The following PRL variants were observed in gnomAD, a reference collection of about 807,000 sequenced individuals.
PRL encodes the protein decidual prolactin.
PRL carries 24 observed loss-of-function variants against 21.3 expected under a neutral mutation model. That is an observed-to-expected ratio of 1.13 (90% CI 0.82 to 1.59). PRL has a LOEUF of 1.59. PRL is among the 40% of genes most tolerant of loss of function. The pLI, the probability that PRL is intolerant of heterozygous loss-of-function variation, is 0.00. For missense variants in PRL, 243 were observed against 286.9 expected, an observed-to-expected ratio of 0.85 and a Z score of 1.10; for synonymous variants, 118 against 115.7, an observed-to-expected ratio of 1.02 and a Z score of -0.13.
intron 1 of PRL, 115 bp downstream of exon 1, chr6:22,296,840 A>G (rs1157578504): frequency 2.6e-6 from 3 of 1,140,020 alleles, no homozygotes; most frequent in South Asian, 1.5e-5. Flanking sequence ...GAAACATAAG[A>G]TTGTGCTTCT....
upstream of PRL, chr6:22,297,180 T>C: frequency 3.3e-6 from 2 of 599,422 alleles, no homozygotes; most frequent in South Asian, 4.3e-5. Flanking sequence ...AATGGTATTT[T>C]ATTTCTTATT....
chr6:22,294,333 T>C lies in PRL; in HGVS notation c.204+76A>G, dbSNP rs558090884. ...TTGAAATTTGGCTCGGGAGGTTTTC[T>C]AGGTTAACATGTAGCAGAGCCCAGT... is the stretch of plus-strand genomic sequence containing the variant. On this transcript the variant is annotated intron_variant, in intron 2 of 4. Coordinates refer to ENST00000306482, the MANE Select transcript of PRL (RefSeq NM_000948.6). 4 of 1,565,938 alleles carry C rather than the reference T, an allele frequency of 2.6e-6. No homozygotes were observed. The South Asian group carries it at 3.4e-5, about 13-fold the overall frequency.
chr6:22,289,541 T>C (rs2113500663), intron 4 of PRL, among the ~76,000 whole-genome samples: 1 of 152,322 alleles, frequency 6.6e-6, no homozygotes, highest in South Asian at 2.1e-4. Flanking sequence ...AAATTTAGAA[T>C]GAGACAACTT....
intron 3 of PRL, among the ~76,000 whole-genome samples, chr6:22,291,275 T>A (rs1761043942): frequency 6.6e-6 from 1 of 152,168 alleles, no homozygotes; most frequent in Admixed American, 6.5e-5. Flanking sequence ...GTGTAGTTTT[T>A]CTGGGAGCAT....
At chr6:22,290,568 G>A (rs780301783) in intron 3 of PRL, among the ~76,000 whole-genome samples, 2 of 152,018 alleles carry the variant, frequency 1.3e-5, no homozygotes, top group Admixed American at 6.6e-5. Flanking sequence ...GCTTATTTCA[G>A]TAACCACTTT....
chr6:22,302,830 T>C (rs375352669), upstream of PRL, among the ~76,000 whole-genome samples: 8 of 152,310 alleles, frequency 5.3e-5, no homozygotes, highest in East Asian at 7.7e-4. Context: ...AAGGTTCTTA[T>C]GACCTACTTT....
intron 3 of PRL, 35 bp downstream of exon 3, chr6:22,292,503 G>A (rs780943871): frequency 6.3e-7 from 1 of 1,582,894 alleles, no homozygotes; most frequent in African/African-American, 1.3e-5. Context: ...TACTGCCTTG[G>A]TTGTTTTGGT....
At chr6:22,292,776 C>G (rs1761078844) in intron 2 of PRL, 131 bp from the exon 3 acceptor site, 1 of 704,490 alleles carries the variant, frequency 1.4e-6, no homozygotes, top group South Asian at 2.1e-5. Flanking sequence ...AAAATGAAAA[C>G]TAAAGAATTA....
chr6:22,296,992 C>A lies in PRL; in HGVS notation c.-10G>T, dbSNP rs41271759. On this transcript the variant is annotated 5_prime_UTR_variant, in exon 1 of 5. Transcript: ENST00000306482. ...ATCCTTTGATGTTCATGTTCGTGAT[C>A]GTTGCAGGAAACACACTTCACCAGA... 1.6e-5 allele frequency: 26 copies of A among 1,613,796 alleles called. No individual in the cohort carries two copies. In the South Asian group the frequency reaches 2.9e-4, roughly 18 times the overall value.
upstream of PRL, among the ~76,000 whole-genome samples, chr6:22,301,785 C>G (rs906037934): frequency 1.3e-5 from 2 of 151,908 alleles, no homozygotes; most frequent in Admixed American, 1.3e-4. Context: ...TCATTCATGT[C>G]TTATCAGTAT....
At chr6:22,293,823 G>A (rs996027416) in intron 2 of PRL, among the ~76,000 whole-genome samples, 2 of 151,120 alleles carry the variant, frequency 1.3e-5, no homozygotes, top group African/African-American at 4.9e-5. Flanking sequence ...AAGGAAGGGA[G>A]GAAAAGAAAG....
chr6:22,290,370 A>G lies in PRL; in HGVS notation c.313-17T>C. On this transcript the variant is annotated splice_polypyrimidine_tract_variant and intron_variant, in intron 3 of 4. Transcript: ENST00000306482. ...GTCTTTTTGCTACGAAACCATATAG[A>G]ACAATTGCATTAAAATAGGTAAAAT... The G allele has an allele frequency of 6.5e-7, 1 of 1,543,684 alleles. No homozygotes were observed. Among genetic ancestry groups the G allele is most frequent in the South Asian group, 1.2e-5 (1 of 81,318 alleles).
At chr6:22,295,306 G>C (rs1159690610) in intron 1 of PRL, among the ~76,000 whole-genome samples, 1 of 152,106 alleles carries the variant, frequency 6.6e-6, no homozygotes, top group African/African-American at 2.4e-5. Context: ...GAGGTTAAGT[G>C]ATTTTCCCCA....
At chr6:22,289,360 T>C (rs1212126039) in intron 4 of PRL, among the ~76,000 whole-genome samples, 1 of 152,212 alleles carries the variant, frequency 6.6e-6, no homozygotes, top group Non-Finnish European at 1.5e-5. Flanking sequence ...TGGTACATTA[T>C]CCCTGAAAAC....
chr6:22,295,464 A>G (rs1761155022), intron 1 of PRL, among the ~76,000 whole-genome samples: 1 of 152,178 alleles, frequency 6.6e-6, no homozygotes, highest in South Asian at 2.1e-4. Context: ...CAGTGTTTAC[A>G]TAGGTTGTTG....
Position 22,287,548 on chromosome 6 carries a change from C to G in PRL, c.538G>C (p.Gly180Arg), listed in dbSNP as rs1273587227. The G allele has an allele frequency of 1.2e-6, 2 of 1,613,810 alleles. No individual in the cohort carries two copies. The highest frequency in any genetic ancestry group is 2.7e-5 in the African/African-American group (2 of 75,032). Residue 180 changes from glycine to arginine, a missense_variant, in exon 5 of 5, where the codon GGA (glycine) becomes CGA (arginine). Physicochemically the swap from Gly to Arg is moderately radical, Grantham distance 125. Transcript: ENST00000306482. The part of the protein sequence containing the change: ...KENEIYPVWS[G>R]LPSLQMADEE... ...TCAGCCATCTGCAGGGATGGAAGTC[C>G]CGACCAGACAGGGTAGATCTCATTT...
upstream of PRL, among the ~76,000 whole-genome samples, chr6:22,301,210 T>C (rs944891858): frequency 6.6e-6 from 1 of 152,214 alleles, no homozygotes; most frequent in Non-Finnish European, 1.5e-5. Flanking sequence ...TTGGTCTATC[T>C]ATCTACTTAT....
intron 4 of PRL, among the ~76,000 whole-genome samples, chr6:22,289,711 C>T (rs1014006598): frequency 2.6e-5 from 4 of 152,164 alleles, no homozygotes; most frequent in Non-Finnish European, 4.4e-5. Flanking sequence ...CCTGACAAGT[C>T]TGTGCAGCAG....
intron 4 of PRL, 95 bp from the exon 5 acceptor site, chr6:22,287,688 G>T: frequency 8.9e-7 from 1 of 1,127,548 alleles, no homozygotes; most frequent in Non-Finnish European, 1.2e-6. Flanking sequence ...TTGAGAATGA[G>T]ATATGAATGC....
Sources: allele counts gnomAD v4.1 joint callset (sites outside exome capture counted in the v4.1 genomes callset), GRCh38; gene constraint gnomAD v4.1.1; transcripts MANE v1.5; gene names NCBI Gene and HGNC (gene_info 2026-07-23, HGNC 2026-07-21).